The following GLB1L2 variants were observed in gnomAD, a reference collection of about 807,000 sequenced individuals.
The protein encoded by GLB1L2 is galactosidase beta 1 like 2.
Under a neutral mutation model 84.1 loss-of-function variants are expected in GLB1L2, and 68 were observed. That is an observed-to-expected ratio of 0.81 (90% CI 0.67 to 0.99). The LOEUF (loss-of-function observed/expected upper bound fraction) is 0.99. Among genes scored for constraint, GLB1L2 ranks in the 50% least tolerant of loss-of-function variants. The probability of loss-of-function intolerance (pLI) is 0.00; values close to 1 mark genes in which losing one functional copy is unlikely to be tolerated. For synonymous variants in GLB1L2, 290 were observed against 318.0 expected, an observed-to-expected ratio of 0.91 and a Z score of 0.94; for missense variants, 762 against 805.6, an observed-to-expected ratio of 0.95 and a Z score of 0.66.
rs1377376314 is a variant in GLB1L2, at chr11:134,373,759, A to G, written c.1546A>G (p.Lys516Glu). 6.2e-7 allele frequency: 1 copy of G among 1,613,226 alleles called. No individual in the cohort carries two copies. The highest frequency in any genetic ancestry group is 8.5e-7 in the Non-Finnish European group (1 of 1,179,354). ...GNLYLNDSPL[K>E]NFRIYSLDMK... is the part of the protein sequence containing the mutation. The stretch of plus-strand genomic sequence containing the variant: ...TCTCTATCTGAATGATTCACCCCTG[A>G]AAAACTTCAGAATCTATAGCCTGGA... Residue 516 changes from lysine (K) to glutamate (E), a missense_variant, in exon 16 of 19, where the codon AAA (lysine) becomes GAA (glutamate). Around this residue, in one of 3 missense-constraint regions of GLB1L2, gnomAD observed 603 missense variants for 611.7 expected, o/e 0.99. Transcript: ENST00000535456.
intron 7 of GLB1L2, chr11:134,360,650 G>A (rs1467161004): frequency 2.0e-5 from 3 of 151,596 alleles, no homozygotes; most frequent in South Asian, 4.2e-4. Flanking sequence ...CCTGCTGCCC[G>A]GAATAACTTC....
intron 1 of GLB1L2, among the ~76,000 whole-genome samples, chr11:134,340,063 G>C (rs71487002): frequency 6.6e-6 from 1 of 152,178 alleles, no homozygotes; most frequent in East Asian, 1.9e-4. Context: ...TTGGAATGTC[G>C]GTCAGAGAGG....
In GLB1L2 at chr11:134,371,667, T is replaced by C. The variant is rs1441446688; in HGVS notation, c.1429-85T>C. On this transcript the variant is annotated intron_variant, in intron 14 of 18. Coordinates refer to ENST00000535456, the MANE Select transcript of GLB1L2 (RefSeq NM_001370461.1). ...GATGTACACTCCCATCCCCAGAGCG[T>C]AGGGAAGAACTGGGGTCCACAAGCA... 8 of 1,338,996 alleles carry C rather than the reference T, an allele frequency of 6.0e-6. No homozygotes were observed. The African/African-American group carries it at 7.2e-5, about 12-fold the overall frequency. The allele number at this position is 1,338,996 out of a possible 1,614,324, so 82.9% of individuals were successfully genotyped here. A position where few individuals can be genotyped will look rare whatever the true frequency, so the allele number is the denominator to read the frequency against.
intron 7 of GLB1L2, chr11:134,360,877 C>A (rs1045289585): frequency 2.0e-5 from 3 of 152,108 alleles, no homozygotes; most frequent in Admixed American, 2.0e-4. Flanking sequence ...GCCTATTGGC[C>A]GGGCAGTGGC....
chr11:134,351,903 A>G (rs2136273443), intron 5 of GLB1L2, among the ~76,000 whole-genome samples: 1 of 152,282 alleles, frequency 6.6e-6, no homozygotes, highest in East Asian at 1.9e-4. Flanking sequence ...TGAGGGAAAA[A>G]TTAAGAAATT....
rs530230078 is a variant in GLB1L2, at chr11:134,362,697, C to A, written c.734-1631C>A. Reference sequence around the variant, plus strand: ...CTTCCTCTTCCCGCCCTCCCCTCCACCTGCCACACACGCCCACTCCCGCAG... The same window carrying A: ...CTTCCTCTTCCCGCCCTCCCCTCCAACTGCCACACACGCCCACTCCCGCAG... On this transcript the variant is annotated intron_variant, in intron 7 of 18. Transcript: ENST00000535456. Among the ~76,000 whole-genome samples the A allele has an allele frequency of 2.0e-5, 3 of 152,378 alleles. No homozygotes were observed. The East Asian group carries it at 5.8e-4, about 29-fold the overall frequency.
At chr11:134,343,366 G>T (rs1008312312) in intron 2 of GLB1L2, among the ~76,000 whole-genome samples, 1 of 152,160 alleles carries the variant, frequency 6.6e-6, no homozygotes, top group Admixed American at 6.5e-5. Flanking sequence ...AGAATGCTGT[G>T]GTTGCCATCC....
At chr11:134,373,512 G>A (rs367944891) in intron 15 of GLB1L2, among the ~76,000 whole-genome samples, 28 of 152,130 alleles carry the variant, frequency 1.8e-4, no homozygotes, top group Non-Finnish European at 2.4e-4. Context: ...CCTCCTTCCC[G>A]TCCCCCACAG....
chr11:134,343,243 A>T (rs3824996), intron 2 of GLB1L2, among the ~76,000 whole-genome samples: 3 of 152,194 alleles, frequency 2.0e-5, no homozygotes, highest in East Asian at 3.9e-4. Flanking sequence ...TTGTGTTACA[A>T]GCAGTCTTCC....
intron 5 of GLB1L2, 34 bp downstream of exon 5, chr11:134,347,467 C>T (rs761357331): frequency 7.0e-7 from 1 of 1,426,670 alleles, no homozygotes; most frequent in South Asian, 1.1e-5. Flanking sequence ...TGATCTTGGT[C>T]TGTCTTCCTC....
At chr11:134,357,362 T>C (rs1420972981) in intron 6 of GLB1L2, among the ~76,000 whole-genome samples, 1 of 152,174 alleles carries the variant, frequency 6.6e-6, no homozygotes, top group Non-Finnish European at 1.5e-5. Context: ...CAGAAAGCCC[T>C]CTTAGGAGGA....
Position 134,370,478 on chromosome 11 carries a change from G to T in GLB1L2, c.1215+79G>T. ...GGCAGGGAGGTGAGTGCTGGGGGCA[G>T]TCGTCGGCGGGAGGTGAGAGTCGTC... On this transcript the variant is annotated intron_variant, in intron 12 of 18. Transcript: ENST00000535456. The surrounding 1 kb of genome is among the most constrained non-coding windows in gnomAD (Gnocchi z 4.7). The T allele has an allele frequency of 8.9e-7, 1 of 1,122,132 alleles. No individual in the cohort carries two copies. Among genetic ancestry groups the T allele is most frequent in the Non-Finnish European group, 1.3e-6 (1 of 746,362 alleles). 69.5% of individuals were successfully genotyped at this position (1,122,132 alleles called of 1,614,324 possible).
chr11:134,358,991 C>A, intron 6 of GLB1L2, 69 bp from the exon 7 acceptor site: 1 of 1,103,624 alleles, frequency 9.1e-7, no homozygotes, highest in Non-Finnish European at 1.3e-6. Flanking sequence ...TACCCAACTG[C>A]AGCTGTGTGT....
At position 134,350,651 on chromosome 11, in the gene GLB1L2, A is replaced by G. The variant is rs983386350; in HGVS notation, c.558+3218A>G. ...TTTCTGCGTGCAGATCACTGTTAAAATTTCGTGTTCCAGCAGGACGGATGA... is the reference window on the plus strand; with the variant it reads ...TTTCTGCGTGCAGATCACTGTTAAAGTTTCGTGTTCCAGCAGGACGGATGA... On this transcript the variant is annotated intron_variant, in intron 5 of 18. Transcript: ENST00000535456. Among the ~76,000 whole-genome samples the G allele has an allele frequency of 3.3e-5, 5 of 152,172 alleles. No individual in the cohort carries two copies. In the East Asian group the frequency reaches 9.6e-4, roughly 29 times the overall value.
In GLB1L2 at chr11:134,367,432, G is replaced by T. The variant is rs559012968; in HGVS notation, c.889+91G>T. On this transcript the variant is annotated intron_variant, in intron 9 of 18. Coordinates refer to ENST00000535456, the MANE Select transcript of GLB1L2 (RefSeq NM_001370461.1). ...ACCTGCTAACTAATGTAAGCCATAG[G>T]GGGTGCAAGGCTGCTGGGATTATCT... 4 of 1,056,514 alleles carry T rather than the reference G, an allele frequency of 3.8e-6. No individual in the cohort carries two copies. In the African/African-American group the frequency reaches 6.3e-5, roughly 17 times the overall value. 65.4% of individuals were successfully genotyped at this position (1,056,514 alleles called of 1,614,324 possible).
In GLB1L2 at chr11:134,359,149, C is replaced by T. The variant is rs1364811611; in HGVS notation, c.733+8C>T. The T allele has an allele frequency of 2.5e-6, 4 of 1,589,380 alleles. No homozygotes were observed. The highest frequency in any genetic ancestry group is 3.4e-6 in the Non-Finnish European group (4 of 1,166,880). ...AGGGGATTGTCCAGGGAGGTAACTG[C>T]ACTTGTGTTGGGCCGTGGGGGCTGG... is the stretch of plus-strand genomic sequence containing the variant. On this transcript the variant is annotated splice_region_variant and intron_variant, in intron 7 of 18. Transcript: ENST00000535456.
rs117905229 is a variant in GLB1L2 at position 134,372,134 on chromosome 11, G to C, written c.1507+304G>C. ...TTCTGCAAGGATGTCTGCTTGGGGG[G>C]GCGGCAGTGAGGAGCAATGAATGTG... On this transcript the variant is annotated intron_variant, in intron 15 of 18. Transcript: ENST00000535456. Among the ~76,000 whole-genome samples the C allele has an allele frequency of 3.9e-5, 6 of 152,338 alleles. No individual in the cohort carries two copies. In the East Asian group the frequency reaches 1.2e-3, roughly 29 times the overall value.
In GLB1L2 at chr11:134,374,977, C is replaced by T. The variant is rs781653987; in HGVS notation, c.1830C>T (p.Ile610=). Residue 610 remains isoleucine (I), a synonymous_variant, in exon 19 of 19, where the codon ATC becomes ATT. Coordinates refer to ENST00000535456, the MANE Select transcript of GLB1L2 (RefSeq NM_001370461.1). ...GCCGGGCCCTCTCTCCACAGGTCAT[C>T]GTTTTTGAGGAGACGATGGCGGGCC... ...PWLSSGINQV[I]VFEETMAGPA... is the part of the protein sequence containing the mutation. 2 of 1,613,214 alleles carry T rather than the reference C, an allele frequency of 1.2e-6. No homozygotes were observed. Among genetic ancestry groups the T allele is most frequent in the South Asian group, 1.1e-5 (1 of 90,786 alleles).
chr11:134,359,027 G>C (rs775404545), intron 6 of GLB1L2, 33 bp from the exon 7 acceptor site: 1 of 1,516,434 alleles, frequency 6.6e-7, no homozygotes, highest in East Asian at 2.4e-5. Flanking sequence ...AAGGAGCCAG[G>C]GCAGACGAGG....
Sources: gnomAD v4.1 joint callset for allele counts (sites outside exome capture counted in the v4.1 genomes callset) on GRCh38, gnomAD v4.1.1 for gene constraint, gnomAD v4.1.1 regional missense constraint, Gnocchi (gnomAD v3.1) non-coding constraint, MANE v1.5 for transcripts, NCBI Gene and HGNC (gene_info 2026-07-23, HGNC 2026-07-21) for gene names.